Variants in OTUD4 observed in about 807,000 individuals in gnomAD.
OTUD4 encodes the protein OTU domain-containing protein 4.
In OTUD4, 24 loss-of-function variants were observed where a neutral mutation model predicts 130.4. That is an observed-to-expected ratio of 0.18 (90% CI 0.13 to 0.26). OTUD4 has a LOEUF of 0.26. OTUD4 is among the 10% of genes least tolerant of loss of function. The pLI is 1.00. For synonymous variants in OTUD4, 420 were observed against 472.5 expected (o/e 0.89, Z 1.44); for missense variants, 1,031 against 1,329.4 (o/e 0.78, Z 3.49).
chr4:145,137,690 C>G lies in OTUD4; in HGVS notation c.3085G>C (p.Glu1029Gln). 6.2e-7 allele frequency: 1 copy of G among 1,614,032 alleles called. No homozygotes were observed. Among genetic ancestry groups the G allele is most frequent in the Non-Finnish European group, 8.5e-7 (1 of 1,179,998 alleles). ...CCACTTCTCAAAATATTAGACACTT[C>G]ATTTTCATCTTCTGAACTCTCTTCT... ...PKEESSEDEN[E>Q]VSNILRSGRS... The change falls in exon 21 of 21, where the codon GAA becomes CAA. Residue 1029 changes from glutamate (E) to glutamine (Q), a missense_variant. Glu to Gln is a conservative substitution (Grantham distance 29). Coordinates refer to ENST00000447906, the MANE Select transcript of OTUD4 (RefSeq NM_001366057.1).
In OTUD4 at chr4:145,179,609, T is replaced by C. The variant is rs571109393; in HGVS notation, c.159+206A>G. The C allele has an allele frequency of 5.8e-6, 8 of 1,384,578 alleles. No individual in the cohort carries two copies. The South Asian group carries it at 6.3e-5, about 11-fold the overall frequency. The allele number at this position is 1,384,578 out of a possible 1,614,324, so 85.8% of individuals were successfully genotyped here. On this transcript the variant is annotated intron_variant, in intron 1 of 20. Coordinates refer to ENST00000447906, the MANE Select transcript of OTUD4 (RefSeq NM_001366057.1). ...CATCAGGAGAGAGACACCCCGTTAA[T>C]TTGCGGGCTTTCGAGTTTCAATTTG... is the stretch of plus-strand genomic sequence containing the variant.
intron 2 of OTUD4, among the ~76,000 whole-genome samples, chr4:145,173,755 A>G (rs1327108616): frequency 1.3e-5 from 2 of 152,228 alleles, no homozygotes; most frequent in Non-Finnish European, 2.9e-5. Flanking sequence ...TAAGTAATAA[A>G]TCCTGTAAGA....
Position 145,137,815 on chromosome 4 carries a change from C to T in OTUD4, c.2960G>A (p.Ser987Asn). 1 of 1,614,088 alleles carries T rather than the reference C, an allele frequency of 6.2e-7. No individual in the cohort carries two copies. The highest frequency in any genetic ancestry group is 1.3e-5 in the African/African-American group (1 of 75,020). Reference protein sequence around the residue: ...VELEPKRTIQSLKEKTEKVKD... With the variant: ...VELEPKRTIQNLKEKTEKVKD... ...TACTTTTTCTGTTTTTTCTTTCAGG[C>T]TTTGAATGGTCCTTTTAGGTTCAAG... The change falls in exon 21 of 21, where the codon AGC (serine) becomes AAC (asparagine). Residue 987 changes from serine (S) to asparagine (N), a missense_variant. Ser to Asn is a conservative substitution (Grantham distance 46). Transcript: ENST00000447906.
At chr4:145,159,822 G>A (rs759322315) in intron 6 of OTUD4, among the ~76,000 whole-genome samples, 187 bp from the exon 7 acceptor site, 2 of 152,158 alleles carry the variant, frequency 1.3e-5, no homozygotes, top group African/African-American at 4.8e-5. Flanking sequence ...TAAAATTTCT[G>A]TAAGTGCAGT....
chr4:145,159,103 G>C (rs1233750380), intron 7 of OTUD4: 1 of 1,017,666 alleles, frequency 9.8e-7, no homozygotes, highest in Non-Finnish European at 1.2e-6. Context: ...TCTAAAAAGA[G>C]GCACTACCTA....
intron 7 of OTUD4, among the ~76,000 whole-genome samples, chr4:145,157,804 C>A (rs1187978786): frequency 6.6e-6 from 1 of 151,532 alleles, no homozygotes; most frequent in Non-Finnish European, 1.5e-5. Context: ...CATCTTCTTA[C>A]ACACCTGCTC....
chr4:145,152,787 G>A, intron 10 of OTUD4, 152 bp from the exon 11 acceptor site: 1 of 582,352 alleles, frequency 1.7e-6, no homozygotes, highest in Non-Finnish European at 3.1e-6. Context: ...CACAATCTTG[G>A]CTCACTGCAA....
chr4:145,163,827 C>A (rs1000850605), intron 5 of OTUD4, among the ~76,000 whole-genome samples: 1 of 151,708 alleles, frequency 6.6e-6, no homozygotes, highest in African/African-American at 2.4e-5. Context: ...CTGCCTCAGC[C>A]TCCCTAGTAG....
At chr4:145,171,422 TA>T in intron 3 of OTUD4, 1 of 369,174 alleles carries the variant, frequency 2.7e-6, no homozygotes, top group South Asian at 6.8e-5. Context: ...TTCAGATTTT[TA>T]TACTACATTT....
rs1750122952 is a variant in OTUD4 at position 145,133,996 on chromosome 4, G to GT, written c.*3433dup. On this transcript the variant is annotated 3_prime_UTR_variant, in exon 21 of 21. Coordinates refer to ENST00000447906, the MANE Select transcript of OTUD4 (RefSeq NM_001366057.1). ...TTCATACATAAAATTTTCTAGCTCTGTAACACAATGCAATTTTTAATCCAT... is the reference window on the plus strand; with the variant it reads ...TTCATACATAAAATTTTCTAGCTCTGTTAACACAATGCAATTTTTAATCCAT... The GT allele has an allele frequency of 6.6e-6, 1 of 152,524 alleles. No individual in the cohort carries two copies. The highest frequency in any genetic ancestry group is 1.9e-4 in the East Asian group (1 of 5,198). 9.4% of individuals were successfully genotyped at this position (152,524 alleles called of 1,614,324 possible). A position where few individuals can be genotyped will look rare whatever the true frequency, so the allele number is the denominator to read the frequency against.
At chr4:145,178,700 C>T (rs563238506) in intron 1 of OTUD4, 1 of 152,276 alleles carries the variant, frequency 6.6e-6, no homozygotes, top group East Asian at 1.9e-4. Context: ...AAAGATTTTA[C>T]GCTACCTATG....
intron 6 of OTUD4, among the ~76,000 whole-genome samples, chr4:145,162,311 TG>T (rs1476650784): frequency 6.6e-6 from 1 of 152,098 alleles, no homozygotes; most frequent in East Asian, 1.9e-4. Flanking sequence ...CCCAGCACTT[TG>T]GGAGGTCGAG....
chr4:145,174,495 T>C (rs1252980691), intron 2 of OTUD4, among the ~76,000 whole-genome samples, 166 bp downstream of exon 2: 1 of 152,180 alleles, frequency 6.6e-6, no homozygotes, highest in Non-Finnish European at 1.5e-5. Flanking sequence ...GAAAACAACA[T>C]AACTGAATAT....
chr4:145,164,381 T>C (rs1751742838), intron 4 of OTUD4, among the ~76,000 whole-genome samples, 155 bp from the exon 5 acceptor site: 1 of 152,096 alleles, frequency 6.6e-6, no homozygotes, highest in African/African-American at 2.4e-5. Flanking sequence ...AGTTGTAAAA[T>C]ATCTATATAA....
rs939730891 is a variant in OTUD4, at chr4:145,144,139, T to C, written c.1547-138A>G. On this transcript the variant is annotated intron_variant, in intron 15 of 20. Transcript: ENST00000447906. The stretch of plus-strand genomic sequence containing the variant: ...GTCAGTGAAAATGTAGTTTTTAGAA[T>C]AGCACTTAACATCCTTTAGCTTGAG... 4 of 1,021,546 alleles carry C rather than the reference T, an allele frequency of 3.9e-6. No individual in the cohort carries two copies. In the African/African-American group the frequency reaches 6.4e-5, roughly 16 times the overall value. The allele number at this position is 1,021,546 out of a possible 1,614,324, so 63.3% of individuals were successfully genotyped here.
chr4:145,148,592 C>G (rs1225172832), intron 13 of OTUD4, among the ~76,000 whole-genome samples: 1 of 152,012 alleles, frequency 6.6e-6, no homozygotes, highest in Non-Finnish European at 1.5e-5. Flanking sequence ...GAGTCAACAC[C>G]AGAAACACAC....
intron 11 of OTUD4, 145 bp from the exon 12 acceptor site, chr4:145,151,050 A>C (rs1313133388): frequency 4.0e-6 from 2 of 501,440 alleles, no homozygotes; most frequent in Non-Finnish European, 7.0e-6. Flanking sequence ...TACAAATTGC[A>C]TTTACCAATC....
Position 145,171,724 on chromosome 4 carries a change from C to CA in OTUD4, c.244-5dup. 2.4e-6 allele frequency: 3 copies of CA among 1,275,196 alleles called. No individual in the cohort carries two copies. The highest frequency in any genetic ancestry group is 1.2e-5 in the South Asian group (1 of 82,768). The allele number at this position is 1,275,196 out of a possible 1,614,324, so 79.0% of individuals were successfully genotyped here. A position where few individuals can be genotyped will look rare whatever the true frequency, so the allele number is the denominator to read the frequency against. ...CTTCAAATGATCCTTCTATAAACTG[C>CA]AAAAAATAAATCTATTAGAAATGTC... On this transcript the variant is annotated splice_region_variant and splice_polypyrimidine_tract_variant and intron_variant, in intron 2 of 20. Coordinates refer to ENST00000447906, the MANE Select transcript of OTUD4 (RefSeq NM_001366057.1).
intron 13 of OTUD4, among the ~76,000 whole-genome samples, chr4:145,147,965 TTCAC>T (rs1398182061): frequency 1.3e-5 from 2 of 152,148 alleles, no homozygotes; most frequent in Non-Finnish European, 2.9e-5. Context: ...ATTAGTAAAA[TTCAC>T]TCACACACAC....
Sources: allele counts gnomAD v4.1 joint callset (sites outside exome capture counted in the v4.1 genomes callset), GRCh38; gene constraint gnomAD v4.1.1; transcripts MANE v1.5; gene names NCBI Gene and HGNC (gene_info 2026-07-23, HGNC 2026-07-21).